MSI2: variants seen among roughly 807,000 people sequenced by gnomAD.
The protein encoded by MSI2 is musashi RNA binding protein 2.
A neutral mutation model predicts 45.6 loss-of-function variants in MSI2; 17 were observed. The ratio of observed to expected loss-of-function variants is 0.37; its 90% CI spans 0.26 to 0.56. The LOEUF (loss-of-function observed/expected upper bound fraction) is 0.56, where lower values mean the gene tolerates loss of function less well. MSI2 is among the 20% of genes least tolerant of loss of function. MSI2 has a pLI of 0.77. For missense variants in MSI2, 293 were observed against 444.2 expected, an observed-to-expected ratio of 0.66 and a Z score of 3.06; for synonymous variants, 156 against 158.2, an observed-to-expected ratio of 0.99 and a Z score of 0.11.
intron 7 of MSI2, among the ~76,000 whole-genome samples, chr17:57,587,645 G>A (rs1904424432): frequency 6.6e-6 from 1 of 151,978 alleles, no homozygotes; most frequent in Admixed American, 6.6e-5. Context: ...AGCGTGTGGG[G>A]GAATAAAGAA....
intron 6 of MSI2, among the ~76,000 whole-genome samples, chr17:57,422,190 G>A (rs1035670322): frequency 1.3e-5 from 2 of 152,126 alleles, no homozygotes; most frequent in African/African-American, 2.4e-5. Flanking sequence ...GGCCAGGTGC[G>A]GTGGCTCACG....
intron 11 of MSI2, among the ~76,000 whole-genome samples, chr17:57,653,984 C>T (rs540612714): frequency 6.8e-6 from 1 of 147,948 alleles, no homozygotes; most frequent in South Asian, 2.1e-4. Flanking sequence ...GTAGCCATTT[C>T]CATCAGGAGC....
intron 6 of MSI2, among the ~76,000 whole-genome samples, chr17:57,495,067 G>A (rs951657133): frequency 2.6e-5 from 4 of 152,158 alleles, no homozygotes; most frequent in Non-Finnish European, 2.9e-5. Context: ...TGGGCTGCAG[G>A]GAGAGGGCTT....
rs115327796 is a variant in MSI2, at chr17:57,476,142, C to T, written c.406-53534C>T. 3.4e-3 allele frequency among the ~76,000 whole-genome samples: 518 copies of T among 152,308 alleles called. 1 individual carries two copies. Among genetic ancestry groups the T allele is most frequent in the African/African-American group, 0.011 (454 of 41,556 alleles). On this transcript the variant is annotated intron_variant, in intron 6 of 13. Coordinates refer to ENST00000284073, the MANE Select transcript of MSI2 (RefSeq NM_138962.4). ...TCTTGTAGGAGGTTTGTCATGCAAA[C>T]GGTTAGTGCCTGCCACTCACAACAT... is the stretch of plus-strand genomic sequence containing the variant.
At chr17:57,497,149 G>A (rs2085995721) in intron 6 of MSI2, among the ~76,000 whole-genome samples, 1 of 152,126 alleles carries the variant, frequency 6.6e-6, no homozygotes, top group African/African-American at 2.4e-5. Flanking sequence ...GCTAATTTTT[G>A]TATTTTTAGT....
In MSI2 at chr17:57,682,001, G is replaced by T. The variant is rs1216196784; in HGVS notation, c.*2484G>T. 4.8e-6 allele frequency: 1 copy of T among 210,442 alleles called. No individual in the cohort carries two copies. The highest frequency in any genetic ancestry group is 9.6e-6 in the Non-Finnish European group (1 of 103,820). 13.0% of individuals were successfully genotyped at this position (210,442 alleles called of 1,614,324 possible). ...ATTGTATGTTAATAATGTATAAAATGGCTATCTTGTAAGCGTGCTGTCCTG... is the reference window on the plus strand; with the variant it reads ...ATTGTATGTTAATAATGTATAAAATTGCTATCTTGTAAGCGTGCTGTCCTG... On this transcript the variant is annotated 3_prime_UTR_variant, in exon 14 of 14. Coordinates refer to ENST00000284073, the MANE Select transcript of MSI2 (RefSeq NM_138962.4).
intron 5 of MSI2, chr17:57,279,176 T>C (rs979471865): frequency 6.6e-6 from 1 of 152,172 alleles, no homozygotes; most frequent in African/African-American, 2.4e-5. Context: ...CGGCATGCTC[T>C]TAGGCCCAGA....
intron 7 of MSI2, among the ~76,000 whole-genome samples, chr17:57,567,035 G>A (rs922953301): frequency 6.6e-6 from 1 of 152,160 alleles, no homozygotes; most frequent in Non-Finnish European, 1.5e-5. Context: ...CATGTAGCAG[G>A]GAGCTTGGGA....
At chr17:57,646,991 A>C (rs1296590671) in intron 10 of MSI2, among the ~76,000 whole-genome samples, 1 of 152,168 alleles carries the variant, frequency 6.6e-6, no homozygotes, top group African/African-American at 2.4e-5. Flanking sequence ...GTATTAAGCC[A>C]CTAGGGTCAT....
chr17:57,305,519 A>T (rs1232158945), intron 5 of MSI2, among the ~76,000 whole-genome samples: 1 of 152,212 alleles, frequency 6.6e-6, no homozygotes, highest in African/African-American at 2.4e-5. Context: ...GACTTGGGCA[A>T]TGTAGTCAAA....
chr17:57,357,986 T>C (rs1679911560), intron 5 of MSI2, among the ~76,000 whole-genome samples: 1 of 152,184 alleles, frequency 6.6e-6, no homozygotes, highest in East Asian at 1.9e-4. Context: ...ACACATGCTT[T>C]CCTGCTTCTG....
chr17:57,285,237 G>A (rs1909769836), intron 5 of MSI2, among the ~76,000 whole-genome samples: 1 of 152,206 alleles, frequency 6.6e-6, no homozygotes, highest in African/African-American at 2.4e-5. Flanking sequence ...TTTCAGGGGA[G>A]GGAGGGTTCT....
At chr17:57,259,490 G>A (rs554582864) in intron 4 of MSI2, among the ~76,000 whole-genome samples, 1 of 152,234 alleles carries the variant, frequency 6.6e-6, no homozygotes, top group African/African-American at 2.4e-5. Flanking sequence ...GGCAACCTTC[G>A]GTGCACTTGA....
intron 6 of MSI2, among the ~76,000 whole-genome samples, chr17:57,509,545 T>G (rs1598348251): frequency 1.3e-5 from 2 of 152,120 alleles, no homozygotes; most frequent in East Asian, 3.9e-4. Flanking sequence ...CTCAGCCTCC[T>G]GAGTAGCTGG....
At chr17:57,275,813 C>T (rs76752064) in intron 5 of MSI2, among the ~76,000 whole-genome samples, 3,310 of 152,232 alleles carry the variant, frequency 0.022, 116 homozygotes, top group African/African-American at 0.074. Flanking sequence ...GGGAAAAAGC[C>T]ATATTTGCTG....
chr17:57,699,554 A>G, the MSI2 span, among the ~76,000 whole-genome samples: 13,463 of 151,986 alleles, frequency 0.089, 626 homozygotes, highest in Non-Finnish European at 0.1. Flanking sequence ...GTATAATATT[A>G]TACCCTTTCC....
chr17:57,268,237 T>C (rs555702494), intron 5 of MSI2: 2 of 152,308 alleles, frequency 1.3e-5, no homozygotes, highest in South Asian at 4.1e-4. Context: ...GTGTGGAGAA[T>C]ATGACAAAGT....
At chr17:57,546,624 G>A (rs1317228271) in intron 7 of MSI2, among the ~76,000 whole-genome samples, 1 of 152,150 alleles carries the variant, frequency 6.6e-6, no homozygotes, top group Non-Finnish European at 1.5e-5. Flanking sequence ...GGGCAGCCAG[G>A]GACGACCAGG....
At chr17:57,372,573 A>T (rs1358936725) in intron 5 of MSI2, among the ~76,000 whole-genome samples, 1 of 152,242 alleles carries the variant, frequency 6.6e-6, no homozygotes, top group Non-Finnish European at 1.5e-5. Context: ...AAAGTTACAG[A>T]TGAACAGAAA....
Sources: gnomAD v4.1 joint callset for allele counts (sites outside exome capture counted in the v4.1 genomes callset) on GRCh38, gnomAD v4.1.1 for gene constraint, MANE v1.5 for transcripts, NCBI Gene and HGNC (gene_info 2026-07-23, HGNC 2026-07-21) for gene names.